Variants in DCC observed in about 807,000 individuals in gnomAD.
DCC encodes DCC netrin 1 receptor, also known as netrin receptor DCC.
Under a neutral mutation model 172.5 loss-of-function variants are expected in DCC, and 58 were observed. That is an observed-to-expected ratio of 0.34 (90% CI 0.27 to 0.42). The LOEUF is 0.42. DCC is among the 10% of genes least tolerant of loss of function. The probability of loss-of-function intolerance (pLI) is 1.00; values close to 1 mark genes in which losing one functional copy is unlikely to be tolerated. For missense variants in DCC, 1,740 were observed against 1,791.0 expected (o/e 0.97, Z 0.51); for synonymous variants, 709 against 644.5 (o/e 1.10, Z -1.52).
chr18:52,376,797 G>T (rs1388319001), intron 1 of DCC, among the ~76,000 whole-genome samples: 1 of 152,116 alleles, frequency 6.6e-6, no homozygotes, highest in Non-Finnish European at 1.5e-5. Context: ...TAGATGCTCA[G>T]TTAATATTTA....
intron 1 of DCC, among the ~76,000 whole-genome samples, chr18:52,471,922 T>C (rs1187724897): frequency 6.6e-6 from 1 of 152,168 alleles, no homozygotes; most frequent in Non-Finnish European, 1.5e-5. Context: ...AAAAGGAGTC[T>C]CCAACAATGA....
intron 2 of DCC, among the ~76,000 whole-genome samples, chr18:52,880,127 T>C (rs777956034): frequency 3.2e-4 from 48 of 149,540 alleles, no homozygotes; most frequent in Non-Finnish European, 3.4e-4. Context: ...GTCTTATTCA[T>C]TCTTTTTTTT....
intron 7 of DCC, among the ~76,000 whole-genome samples, chr18:53,099,056 T>TTTTGA (rs1274185593): frequency 6.6e-6 from 1 of 152,096 alleles, no homozygotes; most frequent in Non-Finnish European, 1.5e-5. Flanking sequence ...TAGAGAGGTA[T>TTTTGA]TTTGATGCAG....
At chr18:52,987,319 A>G (rs1318589859) in intron 5 of DCC, among the ~76,000 whole-genome samples, 1 of 152,098 alleles carries the variant, frequency 6.6e-6, no homozygotes, top group African/African-American at 2.4e-5. Flanking sequence ...ACAAACAAAA[A>G]ACCCCAACAA....
At chr18:53,123,277 G>A (rs1405762417) in intron 7 of DCC, among the ~76,000 whole-genome samples, 1 of 152,068 alleles carries the variant, frequency 6.6e-6, no homozygotes, top group Non-Finnish European at 1.5e-5. Context: ...GGAATTCACT[G>A]GGCGAAGTTG....
At chr18:52,590,464 G>A (rs916732554) in intron 1 of DCC, among the ~76,000 whole-genome samples, 4 of 152,158 alleles carry the variant, frequency 2.6e-5, no homozygotes, top group African/African-American at 9.7e-5. Context: ...CAGTCTACAT[G>A]AATAAATAAT....
chr18:52,790,196 C>T (rs193100272), intron 2 of DCC, among the ~76,000 whole-genome samples: 36 of 152,220 alleles, frequency 2.4e-4, no homozygotes, highest in African/African-American at 7.2e-4. Flanking sequence ...AATATGGAAG[C>T]CTGTAGCCAA....
intron 7 of DCC, among the ~76,000 whole-genome samples, chr18:53,148,215 T>C (rs756351199): frequency 3.9e-5 from 6 of 152,138 alleles, no homozygotes; most frequent in Non-Finnish European, 8.8e-5. Flanking sequence ...CAGCAACGCA[T>C]GTGTTCTTTA....
intron 1 of DCC, among the ~76,000 whole-genome samples, chr18:52,744,681 C>T (rs2036880461): frequency 6.6e-6 from 1 of 152,132 alleles, no homozygotes; most frequent in South Asian, 2.1e-4. Flanking sequence ...TGCACACTTT[C>T]TCTCTCTGGT....
Position 52,791,472 on chromosome 18 carries a change from GTT to G in DCC, c.412+39107_412+39108del, listed in dbSNP as rs374755724. 2.3e-4 allele frequency among the ~76,000 whole-genome samples: 34 copies of G among 146,496 alleles called. No homozygotes were observed. In the East Asian group the frequency reaches 6.6e-3, roughly 29 times the overall value. ...TTCCCCCTGCTGTTTTTTGTGTTTT[GTT>G]TTTTTTTTGTTTTTTTCCTAAATGG... On this transcript the variant is annotated intron_variant, in intron 2 of 28. Coordinates refer to ENST00000442544, the MANE Select transcript of DCC (RefSeq NM_005215.4).
intron 2 of DCC, among the ~76,000 whole-genome samples, chr18:52,765,199 A>ATTTTTTTTTTTTTTT (rs369735420): frequency 4.2e-5 from 5 of 120,112 alleles, no homozygotes; most frequent in Non-Finnish European, 5.0e-5. Flanking sequence ...ACTCCTGGCT[A>ATTTTTTTTTTTTTTT]ATTTTTTTTT....
At chr18:52,524,207 T>A (rs1316431419) in intron 1 of DCC, among the ~76,000 whole-genome samples, 1 of 152,212 alleles carries the variant, frequency 6.6e-6, no homozygotes, top group Non-Finnish European at 1.5e-5. Context: ...AGACAAAAAA[T>A]TCCTAAAAAG....
chr18:53,396,970 A>G (rs975858315), intron 17 of DCC, among the ~76,000 whole-genome samples: 2 of 152,036 alleles, frequency 1.3e-5, no homozygotes, highest in Non-Finnish European at 2.9e-5. Flanking sequence ...GCACAAAGTG[A>G]TATTTATAAG....
intron 1 of DCC, among the ~76,000 whole-genome samples, chr18:52,652,739 T>TGTGTGTGTGTGG (rs2035164524): frequency 6.6e-6 from 1 of 151,324 alleles, no homozygotes; most frequent in South Asian, 2.1e-4. Flanking sequence ...TGTGTGTGTG[T>TGTGTGTGTGTGG]GGGTGGAGGA....
intron 1 of DCC, among the ~76,000 whole-genome samples, chr18:52,498,411 G>A (rs1036184847): frequency 6.6e-6 from 1 of 152,084 alleles, no homozygotes; most frequent in African/African-American, 2.4e-5. Context: ...ATCACTTGAG[G>A]TCATGAGTTT....
intron 21 of DCC, among the ~76,000 whole-genome samples, chr18:53,425,491 A>G (rs536009569): frequency 8.0e-5 from 12 of 150,042 alleles, no homozygotes; most frequent in African/African-American, 2.9e-4. Flanking sequence ...TCCCGAGTAG[A>G]TGGGATTACA....
At chr18:52,847,156 A>G (rs2038907639) in intron 2 of DCC, among the ~76,000 whole-genome samples, 1 of 152,200 alleles carries the variant, frequency 6.6e-6, no homozygotes, top group African/African-American at 2.4e-5. Flanking sequence ...CATGTTTTAT[A>G]TTCTCAATTT....
intron 7 of DCC, among the ~76,000 whole-genome samples, chr18:53,156,982 C>G (rs2054747948): frequency 6.6e-6 from 1 of 152,142 alleles, no homozygotes; most frequent in African/African-American, 2.4e-5. Flanking sequence ...AATATTGAAT[C>G]ATATTATCCA....
intron 1 of DCC, among the ~76,000 whole-genome samples, chr18:52,593,532 AT>A (rs980671387): frequency 6.6e-6 from 1 of 152,088 alleles, no homozygotes; most frequent in Non-Finnish European, 1.5e-5. Context: ...GCTTTCCTTT[AT>A]TTTTTAAAAC....
Sources: allele counts gnomAD v4.1 joint callset (sites outside exome capture counted in the v4.1 genomes callset), GRCh38; gene constraint gnomAD v4.1.1; transcripts MANE v1.5; gene names NCBI Gene and HGNC (gene_info 2026-07-23, HGNC 2026-07-21).